The following TNKS variants were observed in gnomAD, a reference collection of about 807,000 sequenced individuals.
TNKS encodes the protein poly [ADP-ribose] polymerase tankyrase-1.
Under a neutral mutation model 135.8 loss-of-function variants are expected in TNKS, and 72 were observed. That is an observed-to-expected ratio of 0.53 (90% CI 0.44 to 0.64). The LOEUF (loss-of-function observed/expected upper bound fraction) is 0.64. TNKS is among the 30% of genes least tolerant of loss of function. The pLI is 0.00. For missense variants in TNKS, 1,769 were observed against 1,674.0 expected (o/e 1.06, Z -0.99); for synonymous variants, 849 against 649.3 (o/e 1.31, Z -4.68).
chr8:9,648,549 T>A (rs574297167), intron 3 of TNKS, among the ~76,000 whole-genome samples: 1 of 152,176 alleles, frequency 6.6e-6, no homozygotes, highest in African/African-American at 2.4e-5. Flanking sequence ...CACTAACATA[T>A]TCATTTGTTA....
intron 3 of TNKS, among the ~76,000 whole-genome samples, chr8:9,634,970 G>A (rs904748069): frequency 6.6e-6 from 1 of 151,788 alleles, no homozygotes; most frequent in African/African-American, 2.4e-5. Flanking sequence ...GAGGTCAGGA[G>A]ATCGAGACCA....
chr8:9,612,877 ATTG>A (rs1799514133), intron 2 of TNKS, among the ~76,000 whole-genome samples: 1 of 152,210 alleles, frequency 6.6e-6, no homozygotes, highest in South Asian at 2.1e-4. Flanking sequence ...TGTATTATAT[ATTG>A]TATTCTTATA....
chr8:9,768,526 C>G (rs1470900936), intron 25 of TNKS, among the ~76,000 whole-genome samples: 1 of 152,240 alleles, frequency 6.6e-6, no homozygotes, highest in African/African-American at 2.4e-5. Flanking sequence ...CACCACAATG[C>G]ACCAGACAAG....
At chr8:9,680,646 C>G in intron 4 of TNKS, 79 bp from the exon 5 acceptor site, 2 of 949,712 alleles carry the variant, frequency 2.1e-6, no homozygotes, top group Admixed American at 2.0e-5. Context: ...ATATTTTACT[C>G]TCGTGTGAAA....
At chr8:9,715,573 A>G (rs1043221591) in intron 11 of TNKS, among the ~76,000 whole-genome samples, 4 of 152,136 alleles carry the variant, frequency 2.6e-5, no homozygotes, top group East Asian at 1.9e-4. Flanking sequence ...ACCAAATTCA[A>G]CAAAACAGTG....
intron 2 of TNKS, among the ~76,000 whole-genome samples, chr8:9,591,961 T>G (rs572844479): frequency 2.6e-5 from 4 of 152,176 alleles, no homozygotes; most frequent in Non-Finnish European, 5.9e-5. Flanking sequence ...TTCTAACAAC[T>G]TGCTTAGGAT....
intron 11 of TNKS, among the ~76,000 whole-genome samples, chr8:9,712,751 G>A (rs1804402310): frequency 6.6e-6 from 1 of 151,894 alleles, no homozygotes; most frequent in Non-Finnish European, 1.5e-5. Context: ...ATAGCCAGAT[G>A]TGGTGGTGCA....
At chr8:9,661,313 A>C (rs1321716443) in intron 3 of TNKS, among the ~76,000 whole-genome samples, 3 of 152,226 alleles carry the variant, frequency 2.0e-5, no homozygotes, top group African/African-American at 7.2e-5. Context: ...TGGAGGCATC[A>C]TGTTACCTGA....
At chr8:9,707,363 C>G (rs532864039) in intron 8 of TNKS, among the ~76,000 whole-genome samples, 1 of 152,144 alleles carries the variant, frequency 6.6e-6, no homozygotes, top group South Asian at 2.1e-4. Flanking sequence ...GGCTTACATT[C>G]TTGTGCTATT....
Position 9,733,604 on chromosome 8 carries a change from A to G in TNKS, c.2313+160A>G, listed in dbSNP as rs969118991. On this transcript the variant is annotated intron_variant, in intron 15 of 26. Transcript: ENST00000310430. ...GAAGACCGTTTATGTGATATGACAC[A>G]TAGCTTTGCGTAGTGCCTAAAGTGA... is the stretch of plus-strand genomic sequence containing the variant. 2.0e-5 allele frequency among the ~76,000 whole-genome samples: 3 copies of G among 152,232 alleles called. No individual in the cohort carries two copies. The South Asian group carries it at 6.2e-4, about 32-fold the overall frequency.
At chr8:9,650,167 C>T (rs1801090787) in intron 3 of TNKS, among the ~76,000 whole-genome samples, 1 of 152,104 alleles carries the variant, frequency 6.6e-6, no homozygotes, top group South Asian at 2.1e-4. Context: ...GCTGGGATTA[C>T]AGGGGTGAGC....
chr8:9,595,279 G>A (rs921086725), intron 2 of TNKS, among the ~76,000 whole-genome samples: 2 of 151,776 alleles, frequency 1.3e-5, no homozygotes, highest in African/African-American at 4.8e-5. Context: ...CTTGAATTGG[G>A]ATCTTTTAAA....
chr8:9,735,425 C>T lies in TNKS; in HGVS notation c.2582C>T (p.Ala861Val). Residue 861 changes from alanine to valine, a missense_variant, in exon 17 of 27, where the codon GCT (alanine) becomes GTT (valine). Physicochemically the swap from Ala to Val is moderately conservative, Grantham distance 64. Around this residue, in one of 5 missense-constraint regions of TNKS, gnomAD observed 722 missense variants for 688.9 expected, o/e 1.05. Coordinates refer to ENST00000310430, the MANE Select transcript of TNKS (RefSeq NM_003747.3). ...EVAEYLLEHG[A>V]DVNAQDKGGL... ...GCTGAATATCTTCTAGAGCATGGAG[C>T]TGATGTTAATGCCCAGGACAAGGGT... 6.2e-7 allele frequency: 1 copy of T among 1,614,042 alleles called. No individual in the cohort carries two copies. Among genetic ancestry groups the T allele is most frequent in the Non-Finnish European group, 8.5e-7 (1 of 1,180,002 alleles).
At chr8:9,589,652 C>G (rs1213717837) in intron 2 of TNKS, among the ~76,000 whole-genome samples, 1 of 152,212 alleles carries the variant, frequency 6.6e-6, no homozygotes, top group Non-Finnish European at 1.5e-5. Flanking sequence ...TGGACTTGGC[C>G]CCTCGGGCCT....
At chr8:9,627,994 G>A (rs1055897718) in intron 3 of TNKS, among the ~76,000 whole-genome samples, 1 of 152,100 alleles carries the variant, frequency 6.6e-6, no homozygotes, top group Non-Finnish European at 1.5e-5. Flanking sequence ...ATTCAATGGA[G>A]AAACATCCTG....
chr8:9,650,069 T>G (rs1801086654), intron 3 of TNKS, among the ~76,000 whole-genome samples: 1 of 151,802 alleles, frequency 6.6e-6, no homozygotes. Context: ...ATTTTGTATT[T>G]TTGGTAGAGA....
rs777767028 is a variant in TNKS at position 9,778,545 on chromosome 8, C to G, written c.*1809C>G. On this transcript the variant is annotated 3_prime_UTR_variant, in exon 27 of 27. Transcript: ENST00000310430. ...TTTTTATGGGTCCTCAAAATTAAAT[C>G]GAGAATTAGCCTCAGTTGTTGCTTC... The G allele has an allele frequency of 6.6e-6, 1 of 152,622 alleles. No homozygotes were observed. Among genetic ancestry groups the G allele is most frequent in the South Asian group, 2.1e-4 (1 of 4,828 alleles). 9.5% of individuals were successfully genotyped at this position (152,622 alleles called of 1,614,324 possible).
chr8:9,630,504 G>T (rs1800248052), intron 3 of TNKS, among the ~76,000 whole-genome samples: 1 of 152,258 alleles, frequency 6.6e-6, no homozygotes, highest in African/African-American at 2.4e-5. Flanking sequence ...TCTACTTTCA[G>T]CTGCTCTTAA....
intron 3 of TNKS, among the ~76,000 whole-genome samples, chr8:9,673,601 G>T (rs574086081): frequency 6.6e-6 from 1 of 151,664 alleles, no homozygotes; most frequent in Non-Finnish European, 1.5e-5. Flanking sequence ...GTGCCACCAC[G>T]CCCAGCTAAT....
Sources: gnomAD v4.1 joint callset for allele counts (sites outside exome capture counted in the v4.1 genomes callset) on GRCh38, gnomAD v4.1.1 for gene constraint, gnomAD v4.1.1 regional missense constraint, MANE v1.5 for transcripts, NCBI Gene and HGNC (gene_info 2026-07-23, HGNC 2026-07-21) for gene names.